The following C2orf68 variants were observed in gnomAD, a reference collection of about 807,000 sequenced individuals.
C2orf68 encodes the protein UPF0561 protein C2orf68.
A neutral mutation model predicts 19.1 loss-of-function variants in C2orf68; 15 were observed. The ratio of observed to expected loss-of-function variants is 0.79; its 90% CI spans 0.53 to 1.21. C2orf68 has a LOEUF of 1.21. Among genes scored for constraint, C2orf68 ranks in the 50% most tolerant of loss-of-function variants. The pLI is 0.00. For synonymous variants in C2orf68, 98 were observed against 91.0 expected (o/e 1.08, Z -0.44); for missense variants, 242 against 226.6 (o/e 1.07, Z -0.44).
chr2:85,607,528 C>G lies in C2orf68; in HGVS notation c.*1417G>C, dbSNP rs1673260800. ...TCACCACCAGGCCCTTCTCACTTAT[C>G]CACCTCACTTACTGCCCCAGCATTC... is the stretch of plus-strand genomic sequence containing the variant. On this transcript the variant is annotated 3_prime_UTR_variant, in exon 4 of 4. Coordinates refer to ENST00000306336, the MANE Select transcript of C2orf68 (RefSeq NM_001013649.4). The G allele has an allele frequency of 6.6e-6, 1 of 152,210 alleles. No individual in the cohort carries two copies. 9.4% of individuals were successfully genotyped at this position (152,210 alleles called of 1,614,324 possible). A position where few individuals can be genotyped will look rare whatever the true frequency, so the allele number is the denominator to read the frequency against.
Position 85,607,885 on chromosome 2 carries a change from G to A in C2orf68, c.*1060C>T, listed in dbSNP as rs995821838. 10 of 152,370 alleles carry A rather than the reference G, an allele frequency of 6.6e-5. No homozygotes were observed. The highest frequency in any genetic ancestry group is 6.5e-4 in the Admixed American group (10 of 15,308). 9.4% of individuals were successfully genotyped at this position (152,370 alleles called of 1,614,324 possible). A position where few individuals can be genotyped will look rare whatever the true frequency, so the allele number is the denominator to read the frequency against. On this transcript the variant is annotated 3_prime_UTR_variant, in exon 4 of 4. Transcript: ENST00000306336. ...TAGAAAAAATGTTCACCGGGTTAGA[G>A]CAGTGGTATTCCTGGGGATCTTTAT...
At position 85,608,862 on chromosome 2, in the gene C2orf68, C is replaced by T. The variant is rs971980144; in HGVS notation, c.*83G>A. The T allele has an allele frequency of 1.1e-5, 17 of 1,569,310 alleles. No homozygotes were observed. In the Middle Eastern group the frequency reaches 1.0e-3, roughly 96 times the overall value. ...GGGTCTCAAGATCAGACAAACTGGTCCTGGTACCCCCACACTAAATTCCCT... is the reference window on the plus strand; with the variant it reads ...GGGTCTCAAGATCAGACAAACTGGTTCTGGTACCCCCACACTAAATTCCCT... On this transcript the variant is annotated 3_prime_UTR_variant, in exon 4 of 4. Coordinates refer to ENST00000306336, the MANE Select transcript of C2orf68 (RefSeq NM_001013649.4).
chr2:85,611,918 G>A lies in C2orf68; in HGVS notation c.67C>T (p.His23Tyr), dbSNP rs933649291. Residue 23 changes from histidine (H) to tyrosine (Y), a missense_variant, in exon 1 of 4, where the codon CAC becomes TAC. Transcript: ENST00000306336. ...CGTCGGATATGGTGCACGAAGCCGT[G>A]GTTCATGTCCAGCCGCCCCCCAGGC... ...CKPGGRLDMN[H>Y]GFVHHIRRNQ... 79 of 1,590,808 alleles carry A rather than the reference G, an allele frequency of 5.0e-5. No individual in the cohort carries two copies. The highest frequency in any genetic ancestry group is 6.6e-5 in the Non-Finnish European group (77 of 1,174,934).
rs1673329077 is a variant in C2orf68, at chr2:85,608,999, T to TGGA, written c.446_447insTCC (p.Glu149delinsAspPro). 1 of 1,614,140 alleles carries TGGA rather than the reference T, an allele frequency of 6.2e-7. No homozygotes were observed. ...CCTCCTGGATACGCAACTTGAGGGCTTCTCGCATGGGTGGATCCAGAGGCG... is the reference window on the plus strand; with the variant it reads ...CCTCCTGGATACGCAACTTGAGGGCTGGATCTCGCATGGGTGGATCCAGAGGCG... On this transcript the variant is annotated protein_altering_variant, in exon 4 of 4. Transcript: ENST00000306336.
At chr2:85,611,359 G>A in intron 2 of C2orf68, 1 of 1,445,088 alleles carries the variant, frequency 6.9e-7, no homozygotes, top group Middle Eastern at 2.5e-4. Flanking sequence ...TCATCGCTGT[G>A]CCAGACTTTC....
At position 85,606,769 on chromosome 2, in the gene C2orf68, C is replaced by T. The variant is rs1453881150; in HGVS notation, c.*2176G>A. ...CAGGTACTTATTAAATGCTGCCTTGCCTTTTACCTCTTCCTTTTTTTTTTT... is the reference window on the plus strand; with the variant it reads ...CAGGTACTTATTAAATGCTGCCTTGTCTTTTACCTCTTCCTTTTTTTTTTT... On this transcript the variant is annotated 3_prime_UTR_variant, in exon 4 of 4. Transcript: ENST00000306336. The T allele has an allele frequency of 6.6e-6, 1 of 151,928 alleles. No homozygotes were observed. The highest frequency in any genetic ancestry group is 2.4e-5 in the African/African-American group (1 of 41,326). The allele number at this position is 151,928 out of a possible 1,614,324, so 9.4% of individuals were successfully genotyped here.
Position 85,612,016 on chromosome 2 carries a change from T to A in C2orf68, c.-32A>T. 1 of 1,434,284 alleles carries A rather than the reference T, an allele frequency of 7.0e-7. No homozygotes were observed. The highest frequency in any genetic ancestry group is 2.5e-5 in the East Asian group (1 of 40,382). The allele number at this position is 1,434,284 out of a possible 1,614,324, so 88.8% of individuals were successfully genotyped here. A position where few individuals can be genotyped will look rare whatever the true frequency, so the allele number is the denominator to read the frequency against. On this transcript the variant is annotated 5_prime_UTR_variant, in exon 1 of 4. Coordinates refer to ENST00000306336, the MANE Select transcript of C2orf68 (RefSeq NM_001013649.4). Reference sequence around the variant, plus strand: ...CCGGGGACGCAGAGTCGCCGCCGCCTCGACGGCCCCAACAACAGCCACCCG... The same window carrying A: ...CCGGGGACGCAGAGTCGCCGCCGCCACGACGGCCCCAACAACAGCCACCCG...
At chr2:85,611,807 G>C (rs376357460) in intron 1 of C2orf68, 21 bp from the exon 2 acceptor site, 160 of 1,609,456 alleles carry the variant, frequency 9.9e-5, no homozygotes, top group Non-Finnish European at 1.3e-4. Flanking sequence ...CCGAGCGGGA[G>C]TCAGGGACTG....
rs923723406 is a variant in C2orf68, at chr2:85,611,875, T to C, written c.107+3A>G. ...GCGGCGGCGGCGCAGGGCGGGGCGGTACCGAGCGATCTGGTTCCGTCGGAT... is the reference window on the plus strand; with the variant it reads ...GCGGCGGCGGCGCAGGGCGGGGCGGCACCGAGCGATCTGGTTCCGTCGGAT... On this transcript the variant is annotated splice_donor_region_variant and intron_variant, in intron 1 of 3. Transcript: ENST00000306336. 6.3e-7 allele frequency: 1 copy of C among 1,597,436 alleles called. No homozygotes were observed. The highest frequency in any genetic ancestry group is 2.3e-5 in the East Asian group (1 of 44,444).
At chr2:85,610,703 G>A (rs1339247044) in intron 2 of C2orf68, 2 of 151,430 alleles carry the variant, frequency 1.3e-5, no homozygotes, top group Non-Finnish European at 2.9e-5. Context: ...CAGATCACCT[G>A]AGCTCAGGAG....
At chr2:85,611,372 T>C in intron 2 of C2orf68, 1 of 1,448,242 alleles carries the variant, frequency 6.9e-7, no homozygotes, top group Non-Finnish European at 9.0e-7. Context: ...AGACTTTCTC[T>C]TTGCTAGGTA....
In C2orf68 at chr2:85,605,923, T is replaced by C. The variant is rs1124836; in HGVS notation, c.*3022A>G. Among the ~76,000 whole-genome samples the C allele has an allele frequency of 0.083, 12,583 of 152,222 alleles. 1,072 individuals carry two copies. The highest frequency in any genetic ancestry group is 0.31 in the East Asian group (1,610 of 5,184). On this transcript the variant is annotated 3_prime_UTR_variant, in exon 4 of 4. Coordinates refer to ENST00000306336, the MANE Select transcript of C2orf68 (RefSeq NM_001013649.4). ...CAACTCTCATTTGGTACAAAAAGCTTTACATTCTTTTCCCTTTTTACATTA... is the reference window on the plus strand; with the variant it reads ...CAACTCTCATTTGGTACAAAAAGCTCTACATTCTTTTCCCTTTTTACATTA...
In C2orf68 at chr2:85,608,952, T is replaced by C. The variant is rs528498191; in HGVS notation, c.494A>G (p.Gln165Arg). Reference sequence around the variant, plus strand: ...AGAACGCCTTCAACATGGTCAGTGTTGGCTCTGGCGCTTTGCAATCTCCTC... The same window carrying C: ...AGAACGCCTTCAACATGGTCAGTGTCGGCTCTGGCGCTTTGCAATCTCCTC... ...IQEEIAKRQS[Q>R]H The change falls in exon 4 of 4, where the codon CAA becomes CGA. Residue 165 changes from glutamine to arginine, a missense_variant. Transcript: ENST00000306336. 1.9e-6 allele frequency: 3 copies of C among 1,614,214 alleles called. No individual in the cohort carries two copies. In the South Asian group the frequency reaches 3.3e-5, roughly 18 times the overall value.
At chr2:85,609,223 C>T (rs1673346992) in intron 3 of C2orf68, among the ~76,000 whole-genome samples, 156 bp from the exon 4 acceptor site, 1 of 152,240 alleles carries the variant, frequency 6.6e-6, no homozygotes, top group South Asian at 2.1e-4. Context: ...TGATTCTCCA[C>T]TGGGGGCCAA....
At chr2:85,611,380 G>A in intron 2 of C2orf68, 1 of 1,456,888 alleles carries the variant, frequency 6.9e-7, no homozygotes, top group African/African-American at 1.4e-5. Flanking sequence ...TCTTTGCTAG[G>A]TAGCGGAGCA....
intron 2 of C2orf68, chr2:85,610,631 A>G (rs1182176540): frequency 1.3e-5 from 2 of 152,076 alleles, no homozygotes; most frequent in Non-Finnish European, 2.9e-5. Context: ...CACTTTCACT[A>G]ATGCCTAACA....
chr2:85,608,701 CAAAAAAAAAAAAAAAA>C lies in C2orf68; in HGVS notation c.*228_*243del, dbSNP rs5832651. 1.1e-4 allele frequency: 6 copies of C among 55,406 alleles called. No individual in the cohort carries two copies. The highest frequency in any genetic ancestry group is 7.0e-4 in the Admixed American group (2 of 2,876). The allele number at this position is 55,406 out of a possible 1,614,324, so 3.4% of individuals were successfully genotyped here. On this transcript the variant is annotated 3_prime_UTR_variant, in exon 4 of 4. Coordinates refer to ENST00000306336, the MANE Select transcript of C2orf68 (RefSeq NM_001013649.4). ...GAACACATTAGCCACACAAAATCCT[CAAAAAAAAAAAAAAAA>C]AAAAAAAAAAAAGAATTCCAGAATA...
At chr2:85,611,470 T>C (rs773632877) in intron 2 of C2orf68, 198 bp downstream of exon 2, 2 of 1,548,204 alleles carry the variant, frequency 1.3e-6, no homozygotes, top group South Asian at 2.4e-5. Flanking sequence ...CAGCGATGCT[T>C]AACTGGGGGC....
intron 2 of C2orf68, 67 bp from the exon 3 acceptor site, chr2:85,609,653 G>C: frequency 1.9e-6 from 3 of 1,573,586 alleles, no homozygotes; most frequent in Non-Finnish European, 2.6e-6. Context: ...CCATAGAGAT[G>C]CTGCAGGAAA....
Sources: gnomAD v4.1 joint callset for allele counts (sites outside exome capture counted in the v4.1 genomes callset) on GRCh38, gnomAD v4.1.1 for gene constraint, MANE v1.5 for transcripts, NCBI Gene and HGNC (gene_info 2026-07-23, HGNC 2026-07-21) for gene names.